DOCK1: variants seen among roughly 807,000 people sequenced by gnomAD.
The protein encoded by DOCK1 is dedicator of cytokinesis 1, also known as dedicator of cytokinesis protein 1.
DOCK1 carries 138 observed loss-of-function variants against 262.7 expected under a neutral mutation model. The observed-to-expected ratio is 0.53, with a 90% CI of 0.46 to 0.61. The LOEUF (loss-of-function observed/expected upper bound fraction) is 0.61. DOCK1 is among the 20% of genes least tolerant of loss of function. The pLI, the probability that DOCK1 is intolerant of heterozygous loss-of-function variation, is 0.00. For synonymous variants in DOCK1, 866 were observed against 867.4 expected (o/e 1.00, Z 0.03); for missense variants, 1,908 against 2,370.7 (o/e 0.80, Z 4.05).
chr10:127,150,542 A>G (rs1435312595), intron 27 of DOCK1, among the ~76,000 whole-genome samples: 1 of 152,206 alleles, frequency 6.6e-6, no homozygotes, highest in Non-Finnish European at 1.5e-5. Flanking sequence ...GGGACCCTTA[A>G]CTAACTGGCT....
chr10:127,419,830 G>A (rs764026603), intron 46 of DOCK1, 81 bp downstream of exon 46: 128 of 1,423,164 alleles, frequency 9.0e-5, no homozygotes, highest in Non-Finnish European at 1.1e-4. Context: ...ACACCAGCCA[G>A]CATGGAGGTC....
chr10:127,137,747 G>T, intron 27 of DOCK1: 1 of 1,279,214 alleles, frequency 7.8e-7, no homozygotes, highest in Non-Finnish European at 1.1e-6. Context: ...GGGCACCACA[G>T]TTCCCTCGAT....
intron 1 of DOCK1, among the ~76,000 whole-genome samples, chr10:126,953,659 A>G (rs1397184431): frequency 4.6e-5 from 7 of 152,014 alleles, no homozygotes. Context: ...CCTCCTGGGA[A>G]TGAGTGTGGG....
intron 23 of DOCK1, among the ~76,000 whole-genome samples, chr10:127,070,441 A>T (rs972468198): frequency 1.3e-5 from 2 of 151,596 alleles, no homozygotes; most frequent in Non-Finnish European, 2.9e-5. Flanking sequence ...TTTAGTAGAG[A>T]CAGGGTTTCA....
At chr10:127,348,705 G>A (rs893222834) in intron 31 of DOCK1, among the ~76,000 whole-genome samples, 1 of 152,038 alleles carries the variant, frequency 6.6e-6, no homozygotes, top group African/African-American at 2.4e-5. Flanking sequence ...TAAGAGGATA[G>A]GTTTCACAAT....
chr10:127,284,785 T>C (rs1334046432), intron 29 of DOCK1, among the ~76,000 whole-genome samples: 1 of 152,126 alleles, frequency 6.6e-6, no homozygotes, highest in Non-Finnish European at 1.5e-5. Flanking sequence ...CACCTTTTAT[T>C]CTTGGGTTAG....
In DOCK1 at chr10:127,291,856, C is replaced by A. The variant is rs73382468; in HGVS notation, c.3044+34427C>A. 5.2e-3 allele frequency among the ~76,000 whole-genome samples: 795 copies of A among 152,250 alleles called. 6 individuals are homozygous for A. The highest frequency in any genetic ancestry group is 0.018 in the African/African-American group (745 of 41,546). On this transcript the variant is annotated intron_variant, in intron 29 of 51. Transcript: ENST00000623213. ...ATGCAGACATAAATCATCTTTTAAACAAGGGTGGGTTTGCGGTAGGAAGGC... is the reference window on the plus strand; with the variant it reads ...ATGCAGACATAAATCATCTTTTAAAAAAGGGTGGGTTTGCGGTAGGAAGGC...
intron 1 of DOCK1, among the ~76,000 whole-genome samples, chr10:126,910,813 G>A (rs151244330): frequency 4.1e-4 from 62 of 152,218 alleles, no homozygotes; most frequent in Non-Finnish European, 5.6e-4. Context: ...AGAGTGTTCC[G>A]TTAGTGAAAT....
At chr10:127,245,369 G>A (rs565510148) in intron 27 of DOCK1, among the ~76,000 whole-genome samples, 3 of 152,324 alleles carry the variant, frequency 2.0e-5, no homozygotes, top group East Asian at 1.9e-4. Flanking sequence ...AAGAGGGCAC[G>A]CACAGTGCCC....
chr10:127,058,462 C>A (rs575818694), intron 22 of DOCK1, among the ~76,000 whole-genome samples: 1 of 152,078 alleles, frequency 6.6e-6, no homozygotes, highest in Non-Finnish European at 1.5e-5. Context: ...TTCATCCAGT[C>A]TGACAAGCTT....
At chr10:127,124,054 A>G (rs754931836) in intron 25 of DOCK1, among the ~76,000 whole-genome samples, 1 of 152,228 alleles carries the variant, frequency 6.6e-6, no homozygotes, top group African/African-American at 2.4e-5. Context: ...AGCCGCCCAC[A>G]TGTGATCCGC....
At chr10:127,193,631 C>T (rs1191138926) in intron 27 of DOCK1, among the ~76,000 whole-genome samples, 2 of 152,176 alleles carry the variant, frequency 1.3e-5, no homozygotes, top group Admixed American at 6.5e-5. Flanking sequence ...CACTGCGATC[C>T]GTTGTTATTT....
intron 37 of DOCK1, 107 bp from the exon 38 acceptor site, chr10:127,384,683 G>GTC: frequency 7.7e-7 from 1 of 1,299,710 alleles, no homozygotes; most frequent in South Asian, 2.3e-5. Flanking sequence ...AGCCACACAT[G>GTC]TCTCCAGAAC....
At chr10:126,941,556 A>G (rs1183713166) in intron 1 of DOCK1, among the ~76,000 whole-genome samples, 6 of 152,294 alleles carry the variant, frequency 3.9e-5, no homozygotes, top group Non-Finnish European at 7.3e-5. Flanking sequence ...GGAGATCGAG[A>G]CCATCCTGGC....
chr10:126,963,472 A>G lies in DOCK1; in HGVS notation c.47-7230A>G, dbSNP rs994324418. 3.3e-5 allele frequency among the ~76,000 whole-genome samples: 5 copies of G among 152,074 alleles called. No individual in the cohort carries two copies. The East Asian group carries it at 7.7e-4, about 23-fold the overall frequency. On this transcript the variant is annotated intron_variant, in intron 1 of 51. Coordinates refer to ENST00000623213, the MANE Select transcript of DOCK1 (RefSeq NM_001290223.2). ...CAGTTCATCTTTAAAAAAATATTAG[A>G]GACAATACTTTTAATAACACCATTA...
intron 1 of DOCK1, among the ~76,000 whole-genome samples, chr10:126,941,900 C>T (rs924680970): frequency 2.9e-4 from 44 of 152,296 alleles, no homozygotes; most frequent in African/African-American, 9.4e-4. Context: ...TTAAAAGTCC[C>T]ATGGGAAGAT....
At chr10:127,065,760 C>T (rs1279697921) in intron 23 of DOCK1, among the ~76,000 whole-genome samples, 2 of 152,108 alleles carry the variant, frequency 1.3e-5, no homozygotes, top group African/African-American at 2.4e-5. Context: ...CCGACTGCTG[C>T]ATTGAAAAGG....
At chr10:127,404,573 G>A in intron 40 of DOCK1, 144 bp downstream of exon 40, 3 of 689,732 alleles carry the variant, frequency 4.3e-6, no homozygotes, top group Non-Finnish European at 7.4e-6. Context: ...GTTAGCCCGG[G>A]GGGCAGAGAG....
chr10:127,397,909 A>C (rs61870333), intron 38 of DOCK1, among the ~76,000 whole-genome samples: 38,250 of 151,770 alleles, frequency 0.25, 5,575 homozygotes, highest in Middle Eastern at 0.35. Context: ...GACATGGGTC[A>C]TGGCTCCTGG....
Sources: gnomAD v4.1 joint callset for allele counts (sites outside exome capture counted in the v4.1 genomes callset) on GRCh38, gnomAD v4.1.1 for gene constraint, MANE v1.5 for transcripts, NCBI Gene and HGNC (gene_info 2026-07-23, HGNC 2026-07-21) for gene names.